KDM5B: variants seen among roughly 807,000 people sequenced by gnomAD.
KDM5B encodes the protein lysine-specific demethylase 5B.
KDM5B carries 144 observed loss-of-function variants against 193.4 expected under a neutral mutation model. That is an observed-to-expected ratio of 0.74 (90% CI 0.65 to 0.86). KDM5B has a LOEUF of 0.86. KDM5B is among the 40% of genes least tolerant of loss of function. The pLI is 0.00. For synonymous variants in KDM5B, 668 were observed against 682.6 expected (o/e 0.98, Z 0.33); for missense variants, 1,833 against 1,886.9 (o/e 0.97, Z 0.53).
chr1:202,769,259 A>G (rs1468564237), intron 4 of KDM5B, among the ~76,000 whole-genome samples: 4 of 139,170 alleles, frequency 2.9e-5, no homozygotes, highest in Non-Finnish European at 6.2e-5. Flanking sequence ...GATGGTCTCA[A>G]TCTCCTGACC....
intron 23 of KDM5B, 47 bp downstream of exon 23, chr1:202,733,354 A>T: frequency 6.3e-7 from 1 of 1,587,168 alleles, no homozygotes; most frequent in Non-Finnish European, 8.6e-7. Flanking sequence ...AGAAAGGTAC[A>T]GAGCTTTGCA....
At chr1:202,755,483 G>A (rs1465707652) in intron 10 of KDM5B, 31 bp from the exon 11 acceptor site, 4 of 1,541,778 alleles carry the variant, frequency 2.6e-6, no homozygotes, top group Non-Finnish European at 3.6e-6. Context: ...GAGGATAAAG[G>A]TTTAGCTATA....
At chr1:202,770,728 G>A (rs1572748455) in intron 4 of KDM5B, among the ~76,000 whole-genome samples, 1 of 152,168 alleles carries the variant, frequency 6.6e-6, no homozygotes, top group Admixed American at 6.5e-5. Context: ...CAGTACACTT[G>A]AATTTGTGAA....
chr1:202,753,663 T>TG (rs1491230561), intron 11 of KDM5B, among the ~76,000 whole-genome samples: 1 of 113,128 alleles, frequency 8.8e-6, no homozygotes, highest in African/African-American at 2.7e-5. Flanking sequence ...TTGTTGTTGT[T>TG]GTTTTTTTTT....
chr1:202,741,310 T>C, intron 19 of KDM5B, 57 bp downstream of exon 19: 1 of 1,280,252 alleles, frequency 7.8e-7, no homozygotes, highest in Non-Finnish European at 1.1e-6. Flanking sequence ...GTGCTCTGTG[T>C]TTAAGCTGGA....
At position 202,727,313 on chromosome 1, in the gene KDM5B, C is replaced by G. The variant is rs777021380; in HGVS notation, c.*1723G>C. On this transcript the variant is annotated 3_prime_UTR_variant, in exon 27 of 27. Transcript: ENST00000367265. ...AACCACGATGATTCCAAATTGTACTCTGGAGACTATTCTTCTCTATTGGCC... is the reference window on the plus strand; with the variant it reads ...AACCACGATGATTCCAAATTGTACTGTGGAGACTATTCTTCTCTATTGGCC... 10 of 152,234 alleles carry G rather than the reference C, an allele frequency of 6.6e-5. No individual in the cohort carries two copies. The highest frequency in any genetic ancestry group is 4.6e-4 in the Admixed American group (7 of 15,284). The allele number at this position is 152,234 out of a possible 1,614,324, so 9.4% of individuals were successfully genotyped here. A position where few individuals can be genotyped will look rare whatever the true frequency, so the allele number is the denominator to read the frequency against.
chr1:202,784,483 A>G (rs553241331), intron 1 of KDM5B, among the ~76,000 whole-genome samples: 2 of 152,344 alleles, frequency 1.3e-5, no homozygotes, highest in East Asian at 3.9e-4. Flanking sequence ...ACAAAATTTA[A>G]CTTTAATATA....
chr1:202,746,246 T>G lies in KDM5B; in HGVS notation c.2094A>C (p.Thr698=). 2 of 1,613,638 alleles carry G rather than the reference T, an allele frequency of 1.2e-6. No homozygotes were observed. The highest frequency in any genetic ancestry group is 1.7e-6 in the Non-Finnish European group (2 of 1,179,722). ...AACAGGAGATGGCAGACATGAAGCA[T>G]GTAGTTTTGCATTTTACACACTGAC... The part of the protein sequence containing the change: ...DERQCVKCKT[T]CFMSAISCSC... Residue 698 remains threonine, a synonymous_variant, in exon 15 of 27, where the codon ACA becomes ACC. Transcript: ENST00000367265.
intron 1 of KDM5B, among the ~76,000 whole-genome samples, chr1:202,787,615 C>A (rs368728724): frequency 6.6e-6 from 1 of 151,760 alleles, no homozygotes; most frequent in African/African-American, 2.4e-5. Context: ...AGGCCGGGTG[C>A]GGTGGCTCAC....
At chr1:202,791,490 ATTG>A (rs1196661288) in intron 1 of KDM5B, among the ~76,000 whole-genome samples, 1 of 152,058 alleles carries the variant, frequency 6.6e-6, no homozygotes, top group Non-Finnish European at 1.5e-5. Flanking sequence ...TTCCTTGAAT[ATTG>A]TTGTTTTGTA....
Position 202,766,843 on chromosome 1 carries a change from C to T in KDM5B, c.711+83G>A, listed in dbSNP as rs1656483442. ...AAGGTTCAAAACTACAAAGAGCACACACATGAGAGAAATCCAGTGCCAGAC... is the reference window on the plus strand; with the variant it reads ...AAGGTTCAAAACTACAAAGAGCACATACATGAGAGAAATCCAGTGCCAGAC... On this transcript the variant is annotated intron_variant, in intron 5 of 26. Coordinates refer to ENST00000367265, the MANE Select transcript of KDM5B (RefSeq NM_006618.5). 3 of 1,423,226 alleles carry T rather than the reference C, an allele frequency of 2.1e-6. No homozygotes were observed. In the Admixed American group the frequency reaches 7.5e-5, roughly 35 times the overall value. The allele number at this position is 1,423,226 out of a possible 1,614,324, so 88.2% of individuals were successfully genotyped here. A position where few individuals can be genotyped will look rare whatever the true frequency, so the allele number is the denominator to read the frequency against.
chr1:202,740,833 C>G (rs747161171), intron 19 of KDM5B, 21 bp from the exon 20 acceptor site: 3 of 1,588,144 alleles, frequency 1.9e-6, no homozygotes, highest in Non-Finnish European at 1.7e-6. Context: ...CAAACAAAGA[C>G]TTCTTAGCAT....
At chr1:202,745,308 T>TATAC (rs1655509383) in intron 16 of KDM5B, among the ~76,000 whole-genome samples, 1 of 152,162 alleles carries the variant, frequency 6.6e-6, no homozygotes, top group African/African-American at 2.4e-5. Context: ...AGCTTGCACA[T>TATAC]ATACCCCTGA....
chr1:202,775,852 G>C (rs1656921204), intron 2 of KDM5B, among the ~76,000 whole-genome samples: 1 of 36,264 alleles, frequency 2.8e-5, no homozygotes, highest in Non-Finnish European at 4.6e-5. Flanking sequence ...CAAGACTCTT[G>C]TCTCAAAAAA....
Position 202,729,113 on chromosome 1 carries a change from C to T in KDM5B, c.4558G>A (p.Val1520Ile). The T allele has an allele frequency of 3.1e-6, 5 of 1,614,140 alleles. No individual in the cohort carries two copies. Among genetic ancestry groups the T allele is most frequent in the Admixed American group, 1.7e-5 (1 of 60,008 alleles). ...TCTTTCTCTGCCATCTCTGGGGAGA[C>T]ACCAACACAGACCTGATGAAACCAC... ...NQWFHQVCVGVSPEMAEKEDY... is the reference protein window; with the variant it reads ...NQWFHQVCVGISPEMAEKEDY... The change falls in exon 27 of 27, where the codon GTC becomes ATC. Residue 1520 changes from valine to isoleucine, a missense_variant. This residue lies in a region of KDM5B where 1,379 missense variants were observed against 1,349.6 expected (regional missense o/e 1.02). Transcript: ENST00000367265.
Position 202,808,259 on chromosome 1 carries a change from G to A in KDM5B, c.47C>T (p.Pro16Leu), listed in dbSNP as rs1189442607. Residue 16 changes from proline (P) to leucine (L), a missense_variant, in exon 1 of 27, where the codon CCC becomes CTC. Physicochemically the swap from Pro to Leu is moderately conservative, Grantham distance 98. Around this residue, in one of 3 missense-constraint regions of KDM5B, gnomAD observed 355 missense variants for 374.9 expected, o/e 0.95. Transcript: ENST00000367265. Reference protein sequence around the residue: ...TLHPGPRPALPLGGPGPLGEF... With the variant: ...TLHPGPRPALLLGGPGPLGEF... ...GCCCAGCGGGCCCGGGCCCCCGAGG[G>A]GCAGCGCCGGGCGCGGGCCTGGGTG... The A allele has an allele frequency of 1.9e-6, 3 of 1,609,698 alleles. No homozygotes were observed. The highest frequency in any genetic ancestry group is 1.7e-6 in the Non-Finnish European group (2 of 1,178,620).
chr1:202,764,294 G>C (rs761760396), intron 5 of KDM5B, 149 bp from the exon 6 acceptor site: 3 of 525,278 alleles, frequency 5.7e-6, no homozygotes, highest in Non-Finnish European at 9.8e-6. Context: ...CTAAGGAAGA[G>C]AGCTCACCTT....
intron 4 of KDM5B, chr1:202,767,564 T>A (rs1336674841): frequency 1.6e-6 from 1 of 606,338 alleles, no homozygotes; most frequent in East Asian, 2.8e-5. Context: ...TTAGAGAGTT[T>A]CACTGGATTT....
chr1:202,748,620 G>A (rs999552566), intron 14 of KDM5B, among the ~76,000 whole-genome samples: 3 of 152,106 alleles, frequency 2.0e-5, no homozygotes, highest in Non-Finnish European at 2.9e-5. Context: ...TGTAATCCCA[G>A]CACATTGGGA....
Sources: gnomAD v4.1 joint callset for allele counts (sites outside exome capture counted in the v4.1 genomes callset) on GRCh38, gnomAD v4.1.1 for gene constraint, gnomAD v4.1.1 regional missense constraint, MANE v1.5 for transcripts, NCBI Gene and HGNC (gene_info 2026-07-23, HGNC 2026-07-21) for gene names.